Variants in BAIAP2 observed in about 807,000 individuals in gnomAD.
BAIAP2 encodes the protein BAR/IMD domain containing adaptor protein 2.
A neutral mutation model predicts 63.0 loss-of-function variants in BAIAP2; 18 were observed. That is an observed-to-expected ratio of 0.29 (90% confidence interval 0.20 to 0.42). The LOEUF is 0.42. Among genes scored for constraint, BAIAP2 ranks in the 10% least tolerant of loss-of-function variants. BAIAP2 has a pLI of 1.00. For missense variants in BAIAP2, 610 were observed against 734.3 expected (o/e 0.83, Z 1.96); for synonymous variants, 386 against 307.6 (o/e 1.25, Z -2.67).
intron 6 of BAIAP2, chr17:81,098,097 G>A (rs1181185222): frequency 1.5e-6 from 2 of 1,365,476 alleles, no homozygotes; most frequent in East Asian, 2.8e-5. Context: ...TCATGGAGGG[G>A]CCAGCGGGGG....
At position 81,110,316 on chromosome 17, in the gene BAIAP2, G is replaced by T. The variant is rs879872077; in HGVS notation, c.1535+1807G>T. 159 of 986,246 alleles carry T rather than the reference G, an allele frequency of 1.6e-4. 1 individual carries two copies. The highest frequency in any genetic ancestry group is 2.3e-4 in the South Asian group (5 of 21,314). 61.1% of individuals were successfully genotyped at this position (986,246 alleles called of 1,614,324 possible). A position where few individuals can be genotyped will look rare whatever the true frequency, so the allele number is the denominator to read the frequency against. Reference sequence around the variant, plus strand: ...TGTGTAGAGACCCTTCCGCGCCGGCGTTCCCGCTCCGCTAAAGATTTCAAA... The same window carrying T: ...TGTGTAGAGACCCTTCCGCGCCGGCTTTCCCGCTCCGCTAAAGATTTCAAA... On this transcript the variant is annotated intron_variant, in intron 13 of 13. Coordinates refer to ENST00000428708, the MANE Select transcript of BAIAP2 (RefSeq NM_001144888.2).
At chr17:81,059,126 C>A (rs894270603) in intron 3 of BAIAP2, among the ~76,000 whole-genome samples, 1 of 152,184 alleles carries the variant, frequency 6.6e-6, no homozygotes, top group African/African-American at 2.4e-5. Flanking sequence ...CATCGGAGCC[C>A]CCCCCCCACG....
At chr17:81,080,661 C>T (rs1229289886) in intron 3 of BAIAP2, among the ~76,000 whole-genome samples, 18 of 152,302 alleles carry the variant, frequency 1.2e-4, no homozygotes, top group Non-Finnish European at 1.5e-5. Flanking sequence ...TTGTGTGTAG[C>T]CTTTTAGGGG....
At chr17:81,071,143 T>C (rs895570290) in intron 3 of BAIAP2, among the ~76,000 whole-genome samples, 2 of 151,722 alleles carry the variant, frequency 1.3e-5, no homozygotes, top group African/African-American at 4.8e-5. Context: ...CCACATTCCA[T>C]TTTTGCCTTT....
At chr17:81,088,660 C>G (rs897292026) in intron 6 of BAIAP2, among the ~76,000 whole-genome samples, 1 of 152,198 alleles carries the variant, frequency 6.6e-6, no homozygotes, top group Non-Finnish European at 1.5e-5. Context: ...TAAAGCTCAT[C>G]GTGCCGTAGC....
At chr17:81,060,991 G>C (rs1344491662) in intron 3 of BAIAP2, among the ~76,000 whole-genome samples, 1 of 152,214 alleles carries the variant, frequency 6.6e-6, no homozygotes, top group Non-Finnish European at 1.5e-5. Context: ...GGGCGTGGTG[G>C]CATGCGCCTG....
At chr17:81,085,478 C>T (rs1568137695) in intron 4 of BAIAP2, 176 bp from the exon 5 acceptor site, 1 of 702,644 alleles carries the variant, frequency 1.4e-6, no homozygotes, top group Admixed American at 2.0e-5. Flanking sequence ...GCTCCTGGCT[C>T]CAGAGGGTGC....
intron 6 of BAIAP2, among the ~76,000 whole-genome samples, chr17:81,093,438 C>T (rs934579912): frequency 7.2e-5 from 11 of 152,146 alleles, no homozygotes; most frequent in Non-Finnish European, 7.3e-5. Flanking sequence ...GTTACCTTCC[C>T]CTGTTCCCTT....
intron 6 of BAIAP2, among the ~76,000 whole-genome samples, chr17:81,098,724 CTG>C (rs1337417877): frequency 3.9e-5 from 6 of 152,224 alleles, no homozygotes; most frequent in Non-Finnish European, 8.8e-5. Context: ...TCTGGGCCGA[CTG>C]TGTGTCCACC....
chr17:81,101,931 C>T (rs897808075), intron 7 of BAIAP2, among the ~76,000 whole-genome samples: 4 of 152,342 alleles, frequency 2.6e-5, no homozygotes, highest in African/African-American at 4.8e-5. Context: ...CGGGCGTCTG[C>T]GCCCTCTGGC....
chr17:81,108,362 C>G (rs561541173), intron 12 of BAIAP2, 113 bp from the exon 13 acceptor site: 1 of 1,214,712 alleles, frequency 8.2e-7, no homozygotes, highest in East Asian at 2.4e-5. Context: ...CAAAGGAACA[C>G]GGTTTGAACC....
In BAIAP2 at chr17:81,068,035, G is replaced by T. The variant is rs192822090; in HGVS notation, c.217+10068G>T. 2.3e-3 allele frequency among the ~76,000 whole-genome samples: 351 copies of T among 152,376 alleles called. 5 individuals are homozygous for T. The highest frequency in any genetic ancestry group is 8.1e-3 in the African/African-American group (336 of 41,596). On this transcript the variant is annotated intron_variant, in intron 3 of 13. Coordinates refer to ENST00000428708, the MANE Select transcript of BAIAP2 (RefSeq NM_001144888.2). ...CCTGGGGGCACAGGTGCCGGCTCAG[G>T]AGCCTCTGTGGGCAGGTGTCTGCAT...
chr17:81,048,998 C>G (rs974287861), intron 1 of BAIAP2, among the ~76,000 whole-genome samples: 4 of 152,206 alleles, frequency 2.6e-5, no homozygotes, highest in African/African-American at 9.7e-5. Flanking sequence ...ATAGGCAGGC[C>G]GGCCCAGGAC....
chr17:81,062,462 A>G (rs982375358), intron 3 of BAIAP2, among the ~76,000 whole-genome samples: 2 of 151,986 alleles, frequency 1.3e-5, no homozygotes, highest in African/African-American at 4.8e-5. Context: ...GCCATCACGA[A>G]TTTCTCCCCA....
At chr17:81,054,894 C>T (rs1455282121) in intron 2 of BAIAP2, among the ~76,000 whole-genome samples, 1 of 152,168 alleles carries the variant, frequency 6.6e-6, no homozygotes, top group Non-Finnish European at 1.5e-5. Flanking sequence ...CCGCAGGTGC[C>T]CTTGGCTGAG....
chr17:81,099,651 C>T (rs559135964), intron 6 of BAIAP2, among the ~76,000 whole-genome samples: 4 of 152,228 alleles, frequency 2.6e-5, no homozygotes, highest in African/African-American at 9.6e-5. Flanking sequence ...GCCAGAGCCT[C>T]CTGCTGGAGG....
intron 1 of BAIAP2, chr17:81,035,853 T>TC (rs762378137): frequency 1.8e-4 from 27 of 152,082 alleles, no homozygotes; most frequent in Non-Finnish European, 3.1e-4. Context: ...CAACAGGCTT[T>TC]CCCTTCCCAC....
At chr17:81,071,142 A>C in intron 3 of BAIAP2, among the ~76,000 whole-genome samples, 1 of 147,966 alleles carries the variant, frequency 6.8e-6, no homozygotes. Flanking sequence ...GCCACATTCC[A>C]TTTTTGCCTT....
chr17:81,106,347 C>G (rs115537482), intron 11 of BAIAP2, among the ~76,000 whole-genome samples: 1,598 of 152,200 alleles, frequency 0.01, 33 homozygotes, highest in African/African-American at 0.036. Flanking sequence ...CAGTGGGGCC[C>G]GAGAGCCCTG....
Sources: allele counts gnomAD v4.1 joint callset (sites outside exome capture counted in the v4.1 genomes callset), GRCh38; gene constraint gnomAD v4.1.1; transcripts MANE v1.5; gene names NCBI Gene and HGNC (gene_info 2026-07-23, HGNC 2026-07-21).